MOCOS: variants seen among roughly 807,000 people sequenced by gnomAD.
MOCOS encodes the protein human molybdenum cofactor sulfurase.
A neutral mutation model predicts 83.6 loss-of-function variants in MOCOS; 86 were observed. The observed-to-expected ratio is 1.03, with a 90% CI of 0.86 to 1.23. The LOEUF (loss-of-function observed/expected upper bound fraction) is 1.23, where lower values mean the gene tolerates loss of function less well. Ranked by LOEUF, MOCOS falls within the 50% of genes most tolerant of loss-of-function variation. The pLI is 0.00. For synonymous variants in MOCOS, 445 were observed against 434.7 expected, an observed-to-expected ratio of 1.02 and a Z score of -0.29; for missense variants, 1,120 against 1,126.9, an observed-to-expected ratio of 0.99 and a Z score of 0.09.
At chr18:36,265,155 G>A (rs2091677595) in intron 13 of MOCOS, among the ~76,000 whole-genome samples, 1 of 152,178 alleles carries the variant, frequency 6.6e-6, no homozygotes, top group Non-Finnish European at 1.5e-5. Flanking sequence ...TCCTTTAAGA[G>A]CATCTTATCT....
At chr18:36,216,772 G>A (rs983556570) in intron 8 of MOCOS, among the ~76,000 whole-genome samples, 8 of 152,066 alleles carry the variant, frequency 5.3e-5, no homozygotes, top group South Asian at 2.1e-4. Context: ...AGTAAGTACC[G>A]CCTACTTATT....
chr18:36,206,055 A>G (rs1476618103), intron 6 of MOCOS, among the ~76,000 whole-genome samples: 2 of 150,656 alleles, frequency 1.3e-5, no homozygotes, highest in African/African-American at 2.4e-5. Flanking sequence ...TTTGTTTTTA[A>G]CAAAGAAAAA....
At chr18:36,227,180 G>C (rs142594001) in intron 9 of MOCOS, among the ~76,000 whole-genome samples, 5 of 151,472 alleles carry the variant, frequency 3.3e-5, no homozygotes, top group Admixed American at 6.6e-5. Flanking sequence ...CCAAAGTGTT[G>C]GAATTATGGG....
At chr18:36,206,334 C>T (rs983976613) in intron 6 of MOCOS, among the ~76,000 whole-genome samples, 2 of 149,394 alleles carry the variant, frequency 1.3e-5, no homozygotes, top group South Asian at 2.1e-4. Flanking sequence ...GCAACCTCCA[C>T]CTCTTGGGTT....
intron 9 of MOCOS, among the ~76,000 whole-genome samples, chr18:36,224,053 T>C (rs773896829): frequency 1.1e-4 from 16 of 152,140 alleles, no homozygotes; most frequent in Non-Finnish European, 1.9e-4. Context: ...ATAAGTGGGA[T>C]TGGTCTTCTT....
Position 36,251,066 on chromosome 18 carries a change from T to C in MOCOS, c.2040-93T>C, listed in dbSNP as rs1487520200. The C allele has an allele frequency of 2.8e-6, 4 of 1,451,924 alleles. No homozygotes were observed. The African/African-American group carries it at 5.7e-5, about 21-fold the overall frequency. 89.9% of individuals were successfully genotyped at this position (1,451,924 alleles called of 1,614,324 possible). A position where few individuals can be genotyped will look rare whatever the true frequency, so the allele number is the denominator to read the frequency against. ...TCAGGGCTCATGCAATGTTTTGTTTTATTTTATTTTGTAACCAAACTTTTT... is the reference window on the plus strand; with the variant it reads ...TCAGGGCTCATGCAATGTTTTGTTTCATTTTATTTTGTAACCAAACTTTTT... On this transcript the variant is annotated intron_variant, in intron 10 of 14. Transcript: ENST00000261326.
chr18:36,202,994 C>G, intron 4 of MOCOS, 119 bp from the exon 5 acceptor site: 1 of 971,152 alleles, frequency 1.0e-6, no homozygotes, highest in Non-Finnish European at 1.7e-6. Context: ...TAGGTGGAGA[C>G]ATAAAGCCAA....
intron 9 of MOCOS, among the ~76,000 whole-genome samples, chr18:36,239,273 C>T (rs568405516): frequency 0.065 from 9,728 of 150,480 alleles, 362 homozygotes; most frequent in Admixed American, 0.11. Flanking sequence ...CGGCTGGTAC[C>T]AGTTTTTCCT....
intron 11 of MOCOS, among the ~76,000 whole-genome samples, chr18:36,254,887 TTTTTTA>T (rs1331148402): frequency 5.4e-5 from 8 of 149,336 alleles, no homozygotes; most frequent in African/African-American, 1.8e-4. Flanking sequence ...TGAGTTCTTA[TTTTTTA>T]TTTTTTATTT....
chr18:36,217,602 G>A (rs2091480275), intron 8 of MOCOS, among the ~76,000 whole-genome samples: 1 of 152,036 alleles, frequency 6.6e-6, no homozygotes, highest in African/African-American at 2.4e-5. Flanking sequence ...ATCACTTGCT[G>A]GTGCTGTTAA....
At chr18:36,202,651 TA>T (rs1198099840) in intron 4 of MOCOS, among the ~76,000 whole-genome samples, 13 of 152,200 alleles carry the variant, frequency 8.5e-5, no homozygotes, top group Non-Finnish European at 1.6e-4. Flanking sequence ...ACAGCGGTAT[TA>T]GTCCAATTTC....
chr18:36,215,452 A>G (rs1224909036), intron 7 of MOCOS, 64 bp from the exon 8 acceptor site: 1 of 1,483,034 alleles, frequency 6.7e-7, no homozygotes, highest in South Asian at 1.2e-5. Flanking sequence ...ATTTTGCCGA[A>G]CTGTTTCCAG....
In MOCOS at chr18:36,200,184, G is replaced by A. The variant is rs757695766; in HGVS notation, c.801G>A (p.Gly267=). 6.2e-7 allele frequency: 1 copy of A among 1,614,192 alleles called. No homozygotes were observed. Among genetic ancestry groups the A allele is most frequent in the Non-Finnish European group, 8.5e-7 (1 of 1,180,026 alleles). The change falls in exon 4 of 15, where the codon GGG becomes GGA. Residue 267 remains glycine, a synonymous_variant. Transcript: ENST00000261326. ...CCATCTCCTTCTATAAGATCTTCGG[G>A]TTTCCTACAGGCCTGGGCGCTCTGC... ...FVPISFYKIF[G]FPTGLGALLV...
intron 9 of MOCOS, among the ~76,000 whole-genome samples, chr18:36,237,031 G>A (rs1598585680): frequency 6.7e-6 from 1 of 150,076 alleles, no homozygotes; most frequent in African/African-American, 2.4e-5. Flanking sequence ...GGAGATTTTG[G>A]GCTGAGACAA....
At chr18:36,221,944 C>T (rs1461835004) in intron 9 of MOCOS, among the ~76,000 whole-genome samples, 3 of 152,034 alleles carry the variant, frequency 2.0e-5, no homozygotes, top group Non-Finnish European at 2.9e-5. Context: ...AGGCTGGTCT[C>T]GAACTCCCGA....
chr18:36,250,202 TA>T (rs1195816515), intron 10 of MOCOS, among the ~76,000 whole-genome samples: 1 of 152,094 alleles, frequency 6.6e-6, no homozygotes, highest in Non-Finnish European at 1.5e-5. Flanking sequence ...TTATGTATAA[TA>T]AAAAACCTTC....
intron 14 of MOCOS, among the ~76,000 whole-genome samples, chr18:36,267,716 G>A (rs1236026300): frequency 1.3e-5 from 2 of 152,190 alleles, no homozygotes; most frequent in African/African-American, 2.4e-5. Context: ...CACCATGCAG[G>A]TTGCCAGGAG....
chr18:36,231,613 A>G lies in MOCOS; in HGVS notation c.1960+11396A>G, dbSNP rs891688976. On this transcript the variant is annotated intron_variant, in intron 9 of 14. Coordinates refer to ENST00000261326, the MANE Select transcript of MOCOS (RefSeq NM_017947.4). ...ATGATTGATGCAGGAATCCAATTTGATGCTAACTCCTAGAGGCTAATGAGA... is the reference window on the plus strand; with the variant it reads ...ATGATTGATGCAGGAATCCAATTTGGTGCTAACTCCTAGAGGCTAATGAGA... Among the ~76,000 whole-genome samples the G allele has an allele frequency of 3.9e-5, 6 of 152,206 alleles. No homozygotes were observed. The East Asian group carries it at 7.7e-4, about 20-fold the overall frequency.
chr18:36,261,704 A>T (rs1172592764), intron 13 of MOCOS, among the ~76,000 whole-genome samples: 1 of 152,152 alleles, frequency 6.6e-6, no homozygotes. Context: ...AATCTATATT[A>T]TGTCCTACAT....
Sources: gnomAD v4.1 joint callset for allele counts (sites outside exome capture counted in the v4.1 genomes callset) on GRCh38, gnomAD v4.1.1 for gene constraint, MANE v1.5 for transcripts, NCBI Gene and HGNC (gene_info 2026-07-23, HGNC 2026-07-21) for gene names.